DSCAM: variants seen among roughly 807,000 people sequenced by gnomAD.
DSCAM encodes the protein cell adhesion molecule DSCAM.
DSCAM carries 47 observed loss-of-function variants against 217.7 expected under a neutral mutation model. The ratio of observed to expected loss-of-function variants is 0.22; its 90% CI spans 0.17 to 0.28. DSCAM has a LOEUF of 0.28. Ranked by LOEUF, DSCAM falls within the 10% of genes least tolerant of loss-of-function variation. The pLI is 1.00. For synonymous variants in DSCAM, 1,056 were observed against 1,015.3 expected, an observed-to-expected ratio of 1.04 and a Z score of -0.76; for missense variants, 2,080 against 2,618.3, an observed-to-expected ratio of 0.79 and a Z score of 4.49.
intron 3 of DSCAM, among the ~76,000 whole-genome samples, chr21:40,675,516 TTTAC>T (rs1476336194): frequency 6.6e-6 from 1 of 152,212 alleles, no homozygotes; most frequent in Non-Finnish European, 1.5e-5. Context: ...CTGTCCCTAA[TTTAC>T]AGCTTCTGTT....
intron 27 of DSCAM, among the ~76,000 whole-genome samples, chr21:40,067,712 T>G (rs960510591): frequency 1.1e-3 from 29 of 26,656 alleles, no homozygotes; most frequent in Non-Finnish European, 1.8e-3. Flanking sequence ...TCCCCTCCCC[T>G]CCCCTCCCCT....
intron 3 of DSCAM, among the ~76,000 whole-genome samples, chr21:40,550,464 G>A (rs2076620744): frequency 6.6e-6 from 1 of 152,158 alleles, no homozygotes; most frequent in Non-Finnish European, 1.5e-5. Flanking sequence ...GGCAGGGGCT[G>A]CAGTGAGCCG....
chr21:40,322,902 G>A (rs560360239), intron 8 of DSCAM, among the ~76,000 whole-genome samples: 29 of 152,288 alleles, frequency 1.9e-4, no homozygotes, highest in African/African-American at 3.1e-4. Flanking sequence ...TGACATCTAC[G>A]TAAGTGGGAG....
At chr21:40,518,831 T>C (rs2076336697) in intron 3 of DSCAM, among the ~76,000 whole-genome samples, 2 of 151,608 alleles carry the variant, frequency 1.3e-5, no homozygotes, top group Non-Finnish European at 2.9e-5. Context: ...CATTAGGCAA[T>C]TTCATTATCA....
Position 40,565,355 on chromosome 21 carries a change from G to T in DSCAM, c.508+127455C>A, listed in dbSNP as rs144244807. 4.4e-3 allele frequency among the ~76,000 whole-genome samples: 664 copies of T among 152,264 alleles called. 5 individuals are homozygous for T. Among genetic ancestry groups the T allele is most frequent in the African/African-American group, 0.015 (633 of 41,540 alleles). On this transcript the variant is annotated intron_variant, in intron 3 of 32. Transcript: ENST00000400454. ...TGTGACTACGTAATAAACTCTCAGGGGTCAGGGTAGGTGATCAGGGGTTTT... is the reference window on the plus strand; with the variant it reads ...TGTGACTACGTAATAAACTCTCAGGTGTCAGGGTAGGTGATCAGGGGTTTT...
intron 11 of DSCAM, among the ~76,000 whole-genome samples, chr21:40,262,051 CGCTT>C (rs2073460517): frequency 6.6e-6 from 1 of 152,066 alleles, no homozygotes; most frequent in African/African-American, 2.4e-5. Context: ...CTCTCCCTCT[CGCTT>C]TCTTTCTTTC....
intron 14 of DSCAM, among the ~76,000 whole-genome samples, chr21:40,182,351 G>A (rs1457905443): frequency 1.3e-5 from 2 of 152,072 alleles, no homozygotes; most frequent in African/African-American, 2.4e-5. Context: ...CAAGAGAGGA[G>A]AGGGGTTGGG....
chr21:40,443,826 A>G (rs1272795043), intron 3 of DSCAM, among the ~76,000 whole-genome samples: 1 of 152,184 alleles, frequency 6.6e-6, no homozygotes, highest in Non-Finnish European at 1.5e-5. Context: ...TTAAAGTTTT[A>G]ATTATTCTAC....
chr21:40,210,914 C>T (rs560055338), intron 11 of DSCAM, among the ~76,000 whole-genome samples: 58 of 152,228 alleles, frequency 3.8e-4, no homozygotes, highest in African/African-American at 1.2e-3. Flanking sequence ...TGTATACTTC[C>T]GTTTAACTTT....
chr21:40,682,674 G>GAGACCTGAGCACCTGTGTCACAA (rs1568981615), intron 3 of DSCAM, among the ~76,000 whole-genome samples: 2 of 20,446 alleles, frequency 9.8e-5, no homozygotes, highest in Admixed American at 6.5e-4. Flanking sequence ...GAGGGGGAGG[G>GAGACCTGAGCACCTGTGTCACAA]GAGGGGAGGG....
chr21:40,517,099 T>G (rs1053558047), intron 3 of DSCAM, among the ~76,000 whole-genome samples: 1 of 148,002 alleles, frequency 6.8e-6, no homozygotes, highest in African/African-American at 2.5e-5. Flanking sequence ...CACTCACATA[T>G]ATACCCCCAC....
chr21:40,361,419 G>A (rs563148625), intron 4 of DSCAM, among the ~76,000 whole-genome samples: 1 of 152,228 alleles, frequency 6.6e-6, no homozygotes, highest in East Asian at 1.9e-4. Flanking sequence ...AGGAGATCGA[G>A]CCCATCCTGG....
At chr21:40,127,891 T>C (rs2090112322) in intron 19 of DSCAM, among the ~76,000 whole-genome samples, 1 of 152,028 alleles carries the variant, frequency 6.6e-6, no homozygotes, top group African/African-American at 2.4e-5. Flanking sequence ...CTGAACGTGG[T>C]TTGCTTCTCC....
chr21:40,029,620 C>T (rs973505108), intron 32 of DSCAM, among the ~76,000 whole-genome samples: 1 of 152,148 alleles, frequency 6.6e-6, no homozygotes, highest in African/African-American at 2.4e-5. Context: ...GGAGCCCTTA[C>T]CTGAAGAAAG....
chr21:40,381,026 G>T (rs1448721168), intron 3 of DSCAM, among the ~76,000 whole-genome samples: 1 of 127,418 alleles, frequency 7.8e-6, no homozygotes, highest in Non-Finnish European at 1.6e-5. Flanking sequence ...TCGTGCCACT[G>T]CACTCCAGCC....
At chr21:40,839,445 A>T (rs2092082633) in intron 1 of DSCAM, among the ~76,000 whole-genome samples, 1 of 152,206 alleles carries the variant, frequency 6.6e-6, no homozygotes, top group Non-Finnish European at 1.5e-5. Context: ...GCAGTGCTGC[A>T]AGTTCAATGT....
At chr21:40,445,035 T>C (rs926163684) in intron 3 of DSCAM, among the ~76,000 whole-genome samples, 1 of 152,152 alleles carries the variant, frequency 6.6e-6, no homozygotes, top group Non-Finnish European at 1.5e-5. Context: ...CCCCAGGAGA[T>C]TCTGTGTCTG....
At chr21:40,642,292 A>G (rs2089892152) in intron 3 of DSCAM, among the ~76,000 whole-genome samples, 1 of 152,112 alleles carries the variant, frequency 6.6e-6, no homozygotes, top group African/African-American at 2.4e-5. Context: ...ATGAAGAAAC[A>G]CTGGAGGCGG....
chr21:40,146,266 G>T (rs117157355), intron 16 of DSCAM, among the ~76,000 whole-genome samples: 65 of 151,888 alleles, frequency 4.3e-4, no homozygotes, highest in Admixed American at 5.2e-4. Context: ...CTTGACGGAG[G>T]GGGGGAGGTG....
Sources: allele counts gnomAD v4.1 joint callset (sites outside exome capture counted in the v4.1 genomes callset), GRCh38; gene constraint gnomAD v4.1.1; transcripts MANE v1.5; gene names NCBI Gene and HGNC (gene_info 2026-07-23, HGNC 2026-07-21).